Variants in RS1 observed in about 807,000 individuals in gnomAD.
RS1 encodes the protein retinoschisin.
In RS1, 2 loss-of-function variants were observed where a neutral mutation model predicts 20.8. That is an observed-to-expected ratio of 0.10 (90% CI 0.04 to 0.30). The LOEUF (loss-of-function observed/expected upper bound fraction) is 0.30. RS1 is among the 10% of genes least tolerant of loss of function. The probability of loss-of-function intolerance (pLI) is 1.00; values close to 1 mark genes in which losing one functional copy is unlikely to be tolerated. For synonymous variants in RS1, 70 were observed against 75.8 expected (o/e 0.92, Z 0.40); for missense variants, 151 against 189.8 (o/e 0.80, Z 1.20).
chrX:18,661,051 G>A, intron 1 of RS1, among the ~76,000 whole-genome samples: 1 of 112,129 alleles, frequency 8.9e-6, no homozygotes, highest in East Asian at 2.8e-4. Flanking sequence ...TAGCAATGAA[G>A]GTTAGGGAGC....
intron 1 of RS1, among the ~76,000 whole-genome samples, chrX:18,660,915 C>T (rs1360695512): frequency 9.0e-6 from 1 of 111,566 alleles, no homozygotes; most frequent in East Asian, 2.8e-4. Flanking sequence ...GGGAGTGAAG[C>T]GCACATGTCT....
At chrX:18,665,333 TG>T (rs1928386866) in intron 1 of RS1, among the ~76,000 whole-genome samples, 1 of 112,147 alleles carries the variant, frequency 8.9e-6, no homozygotes, top group African/African-American at 3.2e-5. Flanking sequence ...ACCTCTGAGA[TG>T]TATTATGATC....
chrX:18,661,520 A>G (rs1824025765), intron 1 of RS1, among the ~76,000 whole-genome samples: 1 of 111,917 alleles, frequency 8.9e-6, no homozygotes, highest in African/African-American at 3.3e-5. Context: ...CAGGGACAGA[A>G]AGCTTTCTGT....
At position 18,642,115 on chromosome X, in the gene RS1, G is replaced by A; in HGVS notation, c.564C>T (p.Asn188=). ...GNSDRTSTVQ[N]LLRPPIISRF... is the part of the protein sequence containing the mutation. ...GGGAGATGATGGGGGGCCGCAGCAG[G>A]TTCTGAACCGTGGAGGTGCGGTCCG... Residue 188 remains asparagine (N), a synonymous_variant, in exon 6 of 6, where the codon AAC becomes AAT. Coordinates refer to ENST00000379984, the MANE Select transcript of RS1 (RefSeq NM_000330.4). 8.3e-7 allele frequency: 1 copy of A among 1,211,825 alleles called. No homozygotes were observed. The highest frequency in any genetic ancestry group is 3.0e-5 in the East Asian group (1 of 33,831).
chrX:18,642,011 C>A lies in RS1; in HGVS notation c.668G>T (p.Cys223Phe). ...GCCGAGCTGAGGCAGGCATCAGGCACACTTGCTGACGCACTCCAGCAGCTC... is the reference window on the plus strand; with the variant it reads ...GCCGAGCTGAGGCAGGCATCAGGCAAACTTGCTGACGCACTCCAGCAGCTC... ...RMELLECVSKCA is the reference protein window; with the variant it reads ...RMELLECVSKFA Residue 223 changes from cysteine to phenylalanine, a missense_variant, in exon 6 of 6, where the codon TGT becomes TTT. Coordinates refer to ENST00000379984, the MANE Select transcript of RS1 (RefSeq NM_000330.4). 8.3e-7 allele frequency: 1 copy of A among 1,211,416 alleles called. No individual in the cohort carries two copies. The highest frequency in any genetic ancestry group is 1.1e-6 in the Non-Finnish European group (1 of 895,482).
intron 1 of RS1, among the ~76,000 whole-genome samples, chrX:18,669,487 C>CAAAAAAAAAAAAAAAAAAAAAAAAAAA (rs386416704): frequency 1.7e-5 from 1 of 58,898 alleles, no homozygotes; most frequent in Non-Finnish European, 2.8e-5. Context: ...GTGAAATTCT[C>CAAAAAAAAAAAAAAAAAAAAAAAAAAA]AAAAAAAAAA....
intron 1 of RS1, 143 bp downstream of exon 1, chrX:18,671,874 T>G (rs1928495377): frequency 3.6e-6 from 2 of 563,212 alleles, no homozygotes; most frequent in East Asian, 7.4e-5. Context: ...CAACTGTTGT[T>G]CATTAATAAC....
At chrX:18,668,453 G>A (rs889266900) in intron 1 of RS1, among the ~76,000 whole-genome samples, 2 of 112,776 alleles carry the variant, frequency 1.8e-5, no homozygotes, top group Non-Finnish European at 3.7e-5. Context: ...ACCATAGAGC[G>A]TTCCTTCCCA....
At chrX:18,659,739 G>GCTCCTGCCCCCTCCCTC (rs1179709666) in intron 1 of RS1, among the ~76,000 whole-genome samples, 1 of 111,545 alleles carries the variant, frequency 9.0e-6, no homozygotes, top group African/African-American at 3.3e-5. Context: ...TCTCTGACCT[G>GCTCCTGCCCCCTCCCTC]CTCCTGCCCC....
At chrX:18,647,459 G>T in intron 3 of RS1, 127 bp from the exon 4 acceptor site, 1 of 690,776 alleles carries the variant, frequency 1.4e-6, no homozygotes, top group Non-Finnish European at 2.3e-6. Context: ...ACCTGTCTCT[G>T]TGGTTCACAA....
At chrX:18,652,468 A>T (rs1403880352) in intron 3 of RS1, among the ~76,000 whole-genome samples, 1 of 112,025 alleles carries the variant, frequency 8.9e-6, no homozygotes, top group Non-Finnish European at 1.9e-5. Context: ...CAGGAGTTCG[A>T]GACCAGCCTG....
chrX:18,659,419 T>C (rs934479370), intron 1 of RS1, among the ~76,000 whole-genome samples: 2 of 111,107 alleles, frequency 1.8e-5, no homozygotes, highest in African/African-American at 6.6e-5. Context: ...TGAGCCGATA[T>C]TGCACCACTG....
At position 18,644,431 on chromosome X, in the gene RS1, C is replaced by T. The variant is rs765547068; in HGVS notation, c.521G>A (p.Arg174Gln). Residue 174 changes from arginine to glutamine, a missense_variant and splice_region_variant, in exon 5 of 6, where the codon CGG becomes CAG. Coordinates refer to ENST00000379984, the MANE Select transcript of RS1 (RefSeq NM_000330.4). ...TGGTTTGGGATAAGCCCAACTTACC[C>T]GGTTGTTTCCAGTCTGGTCCTTGTA... Reference protein sequence around the residue: ...IYYKDQTGNNRVFYGNSDRTS... With the variant: ...IYYKDQTGNNQVFYGNSDRTS... 26 of 1,209,025 alleles carry T rather than the reference C, an allele frequency of 2.2e-5. No individual in the cohort carries two copies. Among genetic ancestry groups the T allele is most frequent in the South Asian group, 1.8e-4 (10 of 56,742 alleles).
chrX:18,651,256 T>TGA (rs1718121215), intron 3 of RS1, among the ~76,000 whole-genome samples: 1 of 98,527 alleles, frequency 1.0e-5, no homozygotes, highest in African/African-American at 4.0e-5. Flanking sequence ...TGTGTGTGTG[T>TGA]GTGTGTGTGA....
intron 1 of RS1, among the ~76,000 whole-genome samples, chrX:18,669,949 G>A (rs1241851152): frequency 9.0e-6 from 1 of 111,731 alleles, no homozygotes; most frequent in Non-Finnish European, 1.9e-5. Flanking sequence ...GGCACCTGGA[G>A]AGACGATGTT....
At chrX:18,666,406 C>T (rs1370799545) in intron 1 of RS1, among the ~76,000 whole-genome samples, 1 of 111,137 alleles carries the variant, frequency 9.0e-6, no homozygotes, top group Non-Finnish European at 1.9e-5. Context: ...TCGAGGTGAG[C>T]GTGTGCTTGG....
At chrX:18,670,607 C>A (rs774056970) in intron 1 of RS1, among the ~76,000 whole-genome samples, 1 of 111,403 alleles carries the variant, frequency 9.0e-6, no homozygotes, top group African/African-American at 3.3e-5. Context: ...ATGAATGAAT[C>A]TCCATGCCAA....
Position 18,644,310 on chromosome X carries a change from G to A in RS1, c.522+120C>T, listed in dbSNP as rs984100277. 4 of 639,058 alleles carry A rather than the reference G, an allele frequency of 6.3e-6. No individual in the cohort carries two copies. In the African/African-American group the frequency reaches 8.7e-5, roughly 14 times the overall value. 52.7% of individuals were successfully genotyped at this position (639,058 alleles called of 1,213,427 possible). A position where few individuals can be genotyped will look rare whatever the true frequency, so the allele number is the denominator to read the frequency against. ...ACAGCACATTGTGGGGGAAAGCGCAGATGATCCACTGTGCTGTGGAGTCGG... is the reference window on the plus strand; with the variant it reads ...ACAGCACATTGTGGGGGAAAGCGCAAATGATCCACTGTGCTGTGGAGTCGG... On this transcript the variant is annotated intron_variant, in intron 5 of 5. Transcript: ENST00000379984.
At position 18,640,390 on chromosome X, in the gene RS1, A is replaced by C. The variant is rs561740701; in HGVS notation, c.*1614T>G. ...GTCTCTGTTCAGGCATTTCTATCCA[A>C]AATAGATTTGTCCTGTGTCCTAAGG... On this transcript the variant is annotated 3_prime_UTR_variant, in exon 6 of 6. Transcript: ENST00000379984. 1 of 107,871 alleles carries C rather than the reference A, an allele frequency of 9.3e-6. No individual in the cohort carries two copies. Among genetic ancestry groups the C allele is most frequent in the African/African-American group, 3.4e-5 (1 of 29,517 alleles). 8.9% of individuals were successfully genotyped at this position (107,871 alleles called of 1,213,427 possible).
Sources: gnomAD v4.1 joint callset for allele counts (sites outside exome capture counted in the v4.1 genomes callset) on GRCh38, gnomAD v4.1.1 for gene constraint, MANE v1.5 for transcripts, NCBI Gene and HGNC (gene_info 2026-07-23, HGNC 2026-07-21) for gene names.